GNAZ: variants seen among roughly 807,000 people sequenced by gnomAD.
GNAZ encodes the protein G protein subunit alpha z.
GNAZ carries 3 observed loss-of-function variants against 25.4 expected under a neutral mutation model. That is an observed-to-expected ratio of 0.12 (90% CI 0.05 to 0.30). The LOEUF (loss-of-function observed/expected upper bound fraction) is 0.30. Ranked by LOEUF, GNAZ falls within the 10% of genes least tolerant of loss-of-function variation. The pLI, the probability that GNAZ is intolerant of heterozygous loss-of-function variation, is 1.00. For synonymous variants in GNAZ, 211 were observed against 205.7 expected, an observed-to-expected ratio of 1.03 and a Z score of -0.22; for missense variants, 241 against 501.8, an observed-to-expected ratio of 0.48 and a Z score of 4.97.
intron 1 of GNAZ, among the ~76,000 whole-genome samples, chr22:23,072,767 T>C (rs1381815816): frequency 6.6e-6 from 1 of 152,208 alleles, no homozygotes; most frequent in African/African-American, 2.4e-5. Context: ...GGGAATGGAT[T>C]CTTCCCTCTG....
chr22:23,083,137 G>T (rs964062771), intron 1 of GNAZ, among the ~76,000 whole-genome samples: 1 of 152,122 alleles, frequency 6.6e-6, no homozygotes, highest in Non-Finnish European at 1.5e-5. Flanking sequence ...CCAAAGGAGG[G>T]GTCCTTAGGG....
intron 2 of GNAZ, among the ~76,000 whole-genome samples, chr22:23,101,305 G>GC (rs202037984): frequency 0.04 from 6,164 of 152,254 alleles, 169 homozygotes; most frequent in Non-Finnish European, 0.063. Context: ...AATTCCAGTG[G>GC]CCCCCCTCTT....
At chr22:23,108,351 T>A (rs1338518961) in intron 2 of GNAZ, among the ~76,000 whole-genome samples, 2 of 151,996 alleles carry the variant, frequency 1.3e-5, no homozygotes, top group Non-Finnish European at 2.9e-5. Context: ...ATTAAAAGGG[T>A]TGGGGTTGTG....
chr22:23,114,682 T>C (rs2069769447), intron 2 of GNAZ, among the ~76,000 whole-genome samples: 1 of 152,222 alleles, frequency 6.6e-6, no homozygotes, highest in Non-Finnish European at 1.5e-5. Context: ...GAGGGAAGTA[T>C]GCTTACATAT....
chr22:23,114,225 C>A (rs925519580), intron 2 of GNAZ, among the ~76,000 whole-genome samples: 1 of 152,196 alleles, frequency 6.6e-6, no homozygotes, highest in South Asian at 2.1e-4. Context: ...TCTACAACCC[C>A]GCCCCACAGC....
intron 1 of GNAZ, among the ~76,000 whole-genome samples, chr22:23,088,047 A>G (rs2068864449): frequency 6.6e-6 from 1 of 152,250 alleles, no homozygotes; most frequent in South Asian, 2.1e-4. Context: ...TTTCTCTCCA[A>G]GTTAGTTCAG....
intron 2 of GNAZ, among the ~76,000 whole-genome samples, chr22:23,112,264 G>T (rs1324707509): frequency 6.6e-6 from 1 of 152,230 alleles, no homozygotes; most frequent in African/African-American, 2.4e-5. Flanking sequence ...CCCAGGCCCT[G>T]CCTGGGGGTC....
chr22:23,109,527 A>C (rs933987503), intron 2 of GNAZ, among the ~76,000 whole-genome samples: 6 of 152,140 alleles, frequency 3.9e-5, no homozygotes, highest in African/African-American at 1.4e-4. Flanking sequence ...GAGCATGGGT[A>C]CCCAGGGCCT....
chr22:23,123,545 C>A lies in GNAZ; in HGVS notation c.*114C>A. ...GAAAACAGGGGGCCTAAAGAATGTCCCCCACCCCTTGGCCTCTGCCTCCTT... is the reference window on the plus strand; with the variant it reads ...GAAAACAGGGGGCCTAAAGAATGTCACCCACCCCTTGGCCTCTGCCTCCTT... On this transcript the variant is annotated 3_prime_UTR_variant, in exon 3 of 3. Transcript: ENST00000615612. 1 of 658,348 alleles carries A rather than the reference C, an allele frequency of 1.5e-6. No homozygotes were observed. Among genetic ancestry groups the A allele is most frequent in the Non-Finnish European group, 2.6e-6 (1 of 381,720 alleles). 40.8% of individuals were successfully genotyped at this position (658,348 alleles called of 1,614,324 possible). A position where few individuals can be genotyped will look rare whatever the true frequency, so the allele number is the denominator to read the frequency against.
chr22:23,112,536 G>A (rs1056652936), intron 2 of GNAZ, among the ~76,000 whole-genome samples: 10 of 152,170 alleles, frequency 6.6e-5, no homozygotes, highest in Non-Finnish European at 1.2e-4. Flanking sequence ...GCAGGAGGGC[G>A]AGATGGACAC....
intron 2 of GNAZ, 36 bp downstream of exon 2, chr22:23,096,454 T>C (rs1176419994): frequency 5.7e-6 from 9 of 1,565,938 alleles, no homozygotes; most frequent in African/African-American, 2.7e-5. Flanking sequence ...TGCTTGTTCC[T>C]GCTGTCGTGG....
intron 1 of GNAZ, among the ~76,000 whole-genome samples, chr22:23,073,942 C>T (rs548942461): frequency 1.0e-3 from 156 of 152,004 alleles, no homozygotes; most frequent in African/African-American, 3.5e-3. Flanking sequence ...GGGTGGGGGA[C>T]TGACACAGTG....
intron 1 of GNAZ, among the ~76,000 whole-genome samples, chr22:23,079,403 G>A (rs1210473983): frequency 6.6e-6 from 1 of 152,156 alleles, no homozygotes; most frequent in Non-Finnish European, 1.5e-5. Flanking sequence ...CACAGGCCCT[G>A]AGTTAAGAGT....
Position 23,124,401 on chromosome 22 carries a change from A to G in GNAZ, c.*970A>G. 2.1e-6 allele frequency: 1 copy of G among 469,948 alleles called. No individual in the cohort carries two copies. The highest frequency in any genetic ancestry group is 1.6e-5 in the South Asian group (1 of 64,444). 29.1% of individuals were successfully genotyped at this position (469,948 alleles called of 1,614,324 possible). A position where few individuals can be genotyped will look rare whatever the true frequency, so the allele number is the denominator to read the frequency against. ...CTGGACGATCTGTCTCTCTGCTCCA[A>G]AGAAATTTTGGAGTGAGTGGCAGTC... is the stretch of plus-strand genomic sequence containing the variant. On this transcript the variant is annotated 3_prime_UTR_variant, in exon 3 of 3. Transcript: ENST00000615612.
At chr22:23,073,058 G>A (rs769052614) in intron 1 of GNAZ, among the ~76,000 whole-genome samples, 2 of 152,226 alleles carry the variant, frequency 1.3e-5, no homozygotes, top group Admixed American at 6.5e-5. Flanking sequence ...ACATGTGTGC[G>A]GCTTCCTCCC....
At chr22:23,073,256 C>T (rs1417456469) in intron 1 of GNAZ, among the ~76,000 whole-genome samples, 1 of 152,258 alleles carries the variant, frequency 6.6e-6, no homozygotes, top group Admixed American at 6.5e-5. Context: ...GTAGCCAAGC[C>T]TCTGAGCACC....
At chr22:23,075,207 C>T (rs1207096637) in intron 1 of GNAZ, among the ~76,000 whole-genome samples, 1 of 152,160 alleles carries the variant, frequency 6.6e-6, no homozygotes, top group African/African-American at 2.4e-5. Context: ...AGCATTTCTC[C>T]TCCCTTCCCT....
chr22:23,111,768 G>A lies in GNAZ; in HGVS notation c.724-11319G>A, dbSNP rs150716331. On this transcript the variant is annotated intron_variant, in intron 2 of 2. Transcript: ENST00000615612. ...GGAGCCAGCAGGGTCGTGGGCAAGC[G>A]GCCAGGCTCCACAGGGCAAGCCCCT... is the stretch of plus-strand genomic sequence containing the variant. Among the ~76,000 whole-genome samples the A allele has an allele frequency of 1.4e-4, 22 of 152,318 alleles. No individual in the cohort carries two copies. In the East Asian group the frequency reaches 3.3e-3, roughly 23 times the overall value.
rs138170978 is a variant in GNAZ at position 23,109,038 on chromosome 22, G to A, written c.723+12620G>A. On this transcript the variant is annotated intron_variant, in intron 2 of 2. Coordinates refer to ENST00000615612, the MANE Select transcript of GNAZ (RefSeq NM_002073.4). Reference sequence around the variant, plus strand: ...GGGCCTGAAGCTCAGCTCCATATCCGATGTGTCATCGTGGGAAGAGCAGTG... The same window carrying A: ...GGGCCTGAAGCTCAGCTCCATATCCAATGTGTCATCGTGGGAAGAGCAGTG... 6.6e-4 allele frequency among the ~76,000 whole-genome samples: 100 copies of A among 152,348 alleles called. 1 individual carries two copies. The highest frequency in any genetic ancestry group is 1.9e-3 in the African/African-American group (81 of 41,582).
Sources: gnomAD v4.1 joint callset for allele counts (sites outside exome capture counted in the v4.1 genomes callset) on GRCh38, gnomAD v4.1.1 for gene constraint, MANE v1.5 for transcripts, NCBI Gene and HGNC (gene_info 2026-07-23, HGNC 2026-07-21) for gene names.